PTGFR: variants seen among roughly 807,000 people sequenced by gnomAD.
The protein encoded by PTGFR is prostaglandin F2-alpha receptor.
A neutral mutation model predicts 26.2 loss-of-function variants in PTGFR; 15 were observed. That is an observed-to-expected ratio of 0.57 (90% CI 0.38 to 0.88). PTGFR has a LOEUF of 0.88. Ranked by LOEUF, PTGFR falls within the 40% of genes least tolerant of loss-of-function variation. The pLI, the probability that PTGFR is intolerant of heterozygous loss-of-function variation, is 0.00. For synonymous variants in PTGFR, 165 were observed against 151.1 expected (o/e 1.09, Z -0.68); for missense variants, 369 against 427.2 (o/e 0.86, Z 1.20).
At chr1:78,492,535 G>A (rs1302949974) in intron 1 of PTGFR, 137 bp from the exon 2 acceptor site, 3 of 518,572 alleles carry the variant, frequency 5.8e-6, no homozygotes, top group Non-Finnish European at 1.0e-5. Flanking sequence ...GATATGAGCT[G>A]CTTTCAGTAT....
intron 2 of PTGFR, among the ~76,000 whole-genome samples, chr1:78,510,910 G>A (rs1377956963): frequency 6.6e-6 from 1 of 152,172 alleles, no homozygotes; most frequent in Non-Finnish European, 1.5e-5. Context: ...CCCCACACAA[G>A]TCCAAAACCC....
At chr1:78,505,144 T>C (rs1318064224) in intron 2 of PTGFR, among the ~76,000 whole-genome samples, 3 of 141,892 alleles carry the variant, frequency 2.1e-5, no homozygotes, top group Admixed American at 7.3e-5. Context: ...TTTTTTGAGA[T>C]GGAGTGTTGC....
At chr1:78,512,105 C>A (rs114584505) in intron 2 of PTGFR, among the ~76,000 whole-genome samples, 1 of 152,170 alleles carries the variant, frequency 6.6e-6, no homozygotes, top group Admixed American at 6.5e-5. Context: ...ATTTTCGTCA[C>A]AACCATTTAA....
At chr1:78,525,996 T>G (rs993069180) in intron 2 of PTGFR, among the ~76,000 whole-genome samples, 1 of 152,136 alleles carries the variant, frequency 6.6e-6, no homozygotes, top group African/African-American at 2.4e-5. Flanking sequence ...CTTATATTAC[T>G]AATTCTTCAC....
intron 2 of PTGFR, among the ~76,000 whole-genome samples, chr1:78,528,646 G>A (rs1449630693): frequency 6.6e-6 from 1 of 151,964 alleles, no homozygotes; most frequent in Non-Finnish European, 1.5e-5. Context: ...TAAAATGTAT[G>A]GATATCTTTT....
intron 2 of PTGFR, among the ~76,000 whole-genome samples, chr1:78,529,718 A>G (rs1463518088): frequency 6.6e-6 from 1 of 152,180 alleles, no homozygotes; most frequent in African/African-American, 2.4e-5. Context: ...CCAAAAGGAC[A>G]TCTGAATATT....
intron 2 of PTGFR, among the ~76,000 whole-genome samples, chr1:78,502,546 C>T (rs1649734641): frequency 6.6e-6 from 1 of 152,188 alleles, no homozygotes; most frequent in Middle Eastern, 3.4e-3. Flanking sequence ...TAACAAGTAC[C>T]ATATGCTTCA....
intron 1 of PTGFR, among the ~76,000 whole-genome samples, chr1:78,491,562 C>T (rs1441531027): frequency 6.6e-6 from 1 of 152,246 alleles, no homozygotes; most frequent in African/African-American, 2.4e-5. Context: ...CCTCACTCCC[C>T]GTGCCCGGGA....
chr1:78,513,260 A>G (rs1431688132), intron 2 of PTGFR, among the ~76,000 whole-genome samples: 1 of 152,206 alleles, frequency 6.6e-6, no homozygotes, highest in Non-Finnish European at 1.5e-5. Flanking sequence ...GAGACTGATT[A>G]CATGGTTGTG....
chr1:78,536,375 C>T lies in PTGFR; in HGVS notation c.799-31C>T, dbSNP rs747425233. Reference sequence around the variant, plus strand: ...AATTATAGGATTGAAAAGGCTGCATCAACTAATTTCCGTGTTTTCTTCGTT... The same window carrying T: ...AATTATAGGATTGAAAAGGCTGCATTAACTAATTTCCGTGTTTTCTTCGTT... On this transcript the variant is annotated intron_variant, in intron 2 of 2. Coordinates refer to ENST00000370757, the MANE Select transcript of PTGFR (RefSeq NM_000959.4). The T allele has an allele frequency of 1.9e-6, 3 of 1,576,662 alleles. No homozygotes were observed. In the South Asian group the frequency reaches 3.6e-5, roughly 19 times the overall value.
At chr1:78,506,709 T>C (rs1228588809) in intron 2 of PTGFR, among the ~76,000 whole-genome samples, 1 of 152,124 alleles carries the variant, frequency 6.6e-6, no homozygotes, top group Non-Finnish European at 1.5e-5. Flanking sequence ...TATAATAGCA[T>C]ATTTGAATAA....
At chr1:78,515,415 TAACA>T (rs1001137806) in intron 2 of PTGFR, among the ~76,000 whole-genome samples, 10 of 152,220 alleles carry the variant, frequency 6.6e-5, no homozygotes, top group African/African-American at 2.4e-4. Flanking sequence ...GTTAAGTAAC[TAACA>T]TTTTCCTTCC....
chr1:78,516,943 A>G (rs903055125), intron 2 of PTGFR, among the ~76,000 whole-genome samples: 4 of 152,154 alleles, frequency 2.6e-5, no homozygotes, highest in African/African-American at 9.7e-5. Context: ...TTGTCTTGAA[A>G]ATGTGTTCAC....
chr1:78,493,525 G>T lies in PTGFR; in HGVS notation c.782G>T (p.Cys261Phe). ...GCGATAATGTGTGTCTCCTGTATTT[G>T]TTGGAGCCCATTTCTGGTAAGAGCC... ...LLAIMCVSCI[C>F]WSPFLVTMAN... is the part of the protein sequence containing the mutation. The change falls in exon 2 of 3, where the codon TGT (cysteine) becomes TTT (phenylalanine). Residue 261 changes from cysteine (C) to phenylalanine (F), a missense_variant. Physicochemically the swap from Cys to Phe is radical, Grantham distance 205. Coordinates refer to ENST00000370757, the MANE Select transcript of PTGFR (RefSeq NM_000959.4). The T allele has an allele frequency of 6.5e-7, 1 of 1,536,722 alleles. No homozygotes were observed. The highest frequency in any genetic ancestry group is 1.3e-5 in the South Asian group (1 of 77,472).
intron 2 of PTGFR, among the ~76,000 whole-genome samples, chr1:78,495,962 C>G (rs1570268225): frequency 6.6e-6 from 1 of 152,188 alleles, no homozygotes; most frequent in Admixed American, 6.5e-5. Flanking sequence ...CGTATCAATA[C>G]TTTAAGCATG....
chr1:78,526,657 A>G (rs139494761), intron 2 of PTGFR, among the ~76,000 whole-genome samples: 215 of 152,236 alleles, frequency 1.4e-3, no homozygotes, highest in Non-Finnish European at 1.6e-3. Flanking sequence ...CACCATATAT[A>G]TCATTGTTTA....
intron 2 of PTGFR, among the ~76,000 whole-genome samples, chr1:78,496,940 T>A (rs540682942): frequency 0.027 from 4,037 of 150,570 alleles, 194 homozygotes; most frequent in African/African-American, 0.094. Context: ...GTGGCATATT[T>A]GTTAGAATCG....
At chr1:78,521,653 AG>A (rs1051497108) in intron 2 of PTGFR, among the ~76,000 whole-genome samples, 1 of 152,066 alleles carries the variant, frequency 6.6e-6, no homozygotes, top group Non-Finnish European at 1.5e-5. Context: ...AGGTAACAAA[AG>A]TTTATCTCTT....
chr1:78,506,934 G>C (rs1649840030), intron 2 of PTGFR, among the ~76,000 whole-genome samples: 1 of 152,136 alleles, frequency 6.6e-6, no homozygotes, highest in Non-Finnish European at 1.5e-5. Flanking sequence ...CCTCTGAAGA[G>C]TGTTAATATT....
Sources: allele counts gnomAD v4.1 joint callset (sites outside exome capture counted in the v4.1 genomes callset), GRCh38; gene constraint gnomAD v4.1.1; transcripts MANE v1.5; gene names NCBI Gene and HGNC (gene_info 2026-07-23, HGNC 2026-07-21).